Variants in NELL1 observed in about 807,000 individuals in gnomAD.
The protein encoded by NELL1 is neural EGFL like 1, also known as protein kinase C-binding protein NELL1.
A neutral mutation model predicts 107.4 loss-of-function variants in NELL1; 76 were observed. The observed-to-expected ratio is 0.71, with a 90% CI of 0.59 to 0.86. NELL1 has a LOEUF of 0.86. NELL1 is among the 40% of genes least tolerant of loss of function. The pLI is 0.00. For synonymous variants in NELL1, 353 were observed against 341.2 expected, an observed-to-expected ratio of 1.03 and a Z score of -0.38; for missense variants, 1,024 against 1,005.5, an observed-to-expected ratio of 1.02 and a Z score of -0.25.
intron 12 of NELL1, among the ~76,000 whole-genome samples, chr11:21,071,125 C>T (rs1032067709): frequency 6.6e-6 from 1 of 152,082 alleles, no homozygotes; most frequent in Non-Finnish European, 1.5e-5. Flanking sequence ...TTAAATCCTG[C>T]CCCATTCGCT....
chr11:20,987,241 C>A (rs760225760), intron 12 of NELL1, among the ~76,000 whole-genome samples: 5 of 152,092 alleles, frequency 3.3e-5, no homozygotes, highest in Non-Finnish European at 7.4e-5. Flanking sequence ...ACTAACTTAA[C>A]CTTGGATGTA....
At chr11:20,765,822 TAAAA>T (rs1279582492) in intron 2 of NELL1, among the ~76,000 whole-genome samples, 1 of 152,136 alleles carries the variant, frequency 6.6e-6, no homozygotes, top group African/African-American at 2.4e-5. Flanking sequence ...TAATTGCAGA[TAAAA>T]AAACACACAA....
chr11:20,996,800 G>A (rs562162602), intron 12 of NELL1, among the ~76,000 whole-genome samples: 1 of 152,156 alleles, frequency 6.6e-6, no homozygotes, highest in South Asian at 2.1e-4. Context: ...GCCCTCTCTA[G>A]GGTTTTTATC....
intron 3 of NELL1, among the ~76,000 whole-genome samples, chr11:20,800,871 T>C (rs1207428077): frequency 6.6e-6 from 1 of 152,228 alleles, no homozygotes; most frequent in African/African-American, 2.4e-5. Context: ...AGTGACTAAA[T>C]GTTGAAACTG....
chr11:21,548,618 G>A (rs1046654190), intron 16 of NELL1, among the ~76,000 whole-genome samples: 2 of 151,800 alleles, frequency 1.3e-5, no homozygotes, highest in Non-Finnish European at 2.9e-5. Context: ...CCCACAACAT[G>A]TGGGAATTAT....
At chr11:21,193,282 T>A (rs1328398002) in intron 13 of NELL1, among the ~76,000 whole-genome samples, 1 of 151,766 alleles carries the variant, frequency 6.6e-6, no homozygotes, top group Non-Finnish European at 1.5e-5. Context: ...ACATTTGTAA[T>A]GTTCAGCAGT....
At chr11:21,551,263 C>G (rs558384999) in intron 16 of NELL1, among the ~76,000 whole-genome samples, 66 of 151,982 alleles carry the variant, frequency 4.3e-4, no homozygotes, top group Middle Eastern at 3.4e-3. Flanking sequence ...GGGTTTTCTA[C>G]ATATACAATC....
intron 4 of NELL1, among the ~76,000 whole-genome samples, chr11:20,876,538 G>A (rs886313673): frequency 9.2e-5 from 14 of 152,188 alleles, no homozygotes; most frequent in Non-Finnish European, 2.1e-4. Flanking sequence ...GGCCGAGGCG[G>A]TGGATCTCGA....
intron 14 of NELL1, among the ~76,000 whole-genome samples, chr11:21,356,718 T>G (rs952707819): frequency 6.6e-6 from 1 of 152,174 alleles, no homozygotes; most frequent in Non-Finnish European, 1.5e-5. Flanking sequence ...GATACGATCT[T>G]TAGTGGTAAT....
At chr11:20,879,432 T>C (rs1296187992) in intron 4 of NELL1, among the ~76,000 whole-genome samples, 1 of 152,212 alleles carries the variant, frequency 6.6e-6, no homozygotes, top group Non-Finnish European at 1.5e-5. Flanking sequence ...ACTGCTGTTT[T>C]CATTTTCCCA....
intron 12 of NELL1, among the ~76,000 whole-genome samples, chr11:21,007,093 TC>T (rs1488629056): frequency 3.9e-5 from 6 of 152,200 alleles, no homozygotes; most frequent in African/African-American, 1.4e-4. Context: ...AGGCCTGTTC[TC>T]TTGAGCAAGG....
chr11:21,345,610 T>G (rs966327805), intron 14 of NELL1, among the ~76,000 whole-genome samples: 1 of 152,218 alleles, frequency 6.6e-6, no homozygotes, highest in Non-Finnish European at 1.5e-5. Flanking sequence ...CAAGACATTA[T>G]GTTTCATGCT....
intron 15 of NELL1, among the ~76,000 whole-genome samples, chr11:21,381,969 T>C (rs951509451): frequency 1.2e-4 from 17 of 146,508 alleles, no homozygotes; most frequent in African/African-American, 3.8e-4. Flanking sequence ...GGAGTTAAAA[T>C]TGAAGATTTA....
intron 2 of NELL1, among the ~76,000 whole-genome samples, chr11:20,690,877 A>G (rs1004148964): frequency 6.6e-6 from 1 of 151,400 alleles, no homozygotes; most frequent in African/African-American, 2.4e-5. Flanking sequence ...CTTGGGCAGT[A>G]TGGCCATTTT....
chr11:20,941,711 A>G (rs1396195490), intron 10 of NELL1, among the ~76,000 whole-genome samples: 1 of 152,120 alleles, frequency 6.6e-6, no homozygotes, highest in African/African-American at 2.4e-5. Flanking sequence ...AACACTTCTT[A>G]CCTATCTGAT....
At chr11:21,097,679 A>G (rs1273806471) in intron 12 of NELL1, among the ~76,000 whole-genome samples, 1 of 152,168 alleles carries the variant, frequency 6.6e-6, no homozygotes, top group Non-Finnish European at 1.5e-5. Flanking sequence ...ACTAGGGGCA[A>G]GGAAGAATAA....
intron 4 of NELL1, among the ~76,000 whole-genome samples, chr11:20,879,812 A>G (rs561734397): frequency 4.6e-5 from 7 of 152,334 alleles, no homozygotes; most frequent in Non-Finnish European, 1.0e-4. Context: ...AGTAATTTAC[A>G]TAGAAAAGTT....
At chr11:20,911,512 G>A (rs781578293) in intron 5 of NELL1, among the ~76,000 whole-genome samples, 7 of 152,138 alleles carry the variant, frequency 4.6e-5, no homozygotes, top group Non-Finnish European at 8.8e-5. Flanking sequence ...TATTTATTAA[G>A]GGCTTACCCT....
intron 3 of NELL1, among the ~76,000 whole-genome samples, chr11:20,794,457 T>A (rs771877306): frequency 1.1e-4 from 17 of 152,270 alleles, no homozygotes; most frequent in Middle Eastern, 6.8e-3. Flanking sequence ...TCATGACTAG[T>A]TTCAAAGGTT....
Sources: gnomAD v4.1 joint callset for allele counts (sites outside exome capture counted in the v4.1 genomes callset) on GRCh38, gnomAD v4.1.1 for gene constraint, MANE v1.5 for transcripts, NCBI Gene and HGNC (gene_info 2026-07-23, HGNC 2026-07-21) for gene names.